OSBP2: variants seen among roughly 807,000 people sequenced by gnomAD.
The protein encoded by OSBP2 is oxysterol binding protein 2.
A neutral mutation model predicts 96.0 loss-of-function variants in OSBP2; 66 were observed. The observed-to-expected ratio is 0.69, with a 90% confidence interval of 0.56 to 0.84. The LOEUF (loss-of-function observed/expected upper bound fraction) is 0.84. Ranked by LOEUF, OSBP2 falls within the 40% of genes least tolerant of loss-of-function variation. OSBP2 has a pLI of 0.00. For missense variants in OSBP2, 1,038 were observed against 1,222.7 expected (o/e 0.85, Z 2.25); for synonymous variants, 525 against 520.9 (o/e 1.01, Z -0.11).
chr22:30,833,231 G>A (rs916950532), intron 2 of OSBP2, among the ~76,000 whole-genome samples: 65 of 152,252 alleles, frequency 4.3e-4, no homozygotes, highest in East Asian at 1.9e-3. Flanking sequence ...GGAGCCAGCC[G>A]TCCGCTGTTA....
At chr22:30,774,634 C>T (rs2090404963) in intron 2 of OSBP2, among the ~76,000 whole-genome samples, 1 of 152,186 alleles carries the variant, frequency 6.6e-6, no homozygotes. Context: ...GCAGTAATGA[C>T]AGTTAAATCT....
Position 30,811,174 on chromosome 22 carries a change from C to CA in OSBP2, c.854-59254dup, listed in dbSNP as rs398036855. On this transcript the variant is annotated intron_variant, in intron 2 of 13. Coordinates refer to ENST00000332585, the MANE Select transcript of OSBP2 (RefSeq NM_030758.4). ...ATATAAGTATACACAACCCCCCCCCCACACATACATATATAAAAATGAGAT... is the reference window on the plus strand; with the variant it reads ...ATATAAGTATACACAACCCCCCCCCCAACACATACATATATAAAAATGAGAT... 8.7e-5 allele frequency among the ~76,000 whole-genome samples: 12 copies of CA among 137,878 alleles called. No individual in the cohort carries two copies. In the East Asian group the frequency reaches 2.0e-3, roughly 23 times the overall value. 90.5% of individuals were successfully genotyped at this position (137,878 alleles called of 152,430 possible). A position where few individuals can be genotyped will look rare whatever the true frequency, so the allele number is the denominator to read the frequency against.
intron 2 of OSBP2, among the ~76,000 whole-genome samples, chr22:30,787,427 C>CT (rs1035204310): frequency 6.6e-6 from 1 of 151,948 alleles, no homozygotes; most frequent in Non-Finnish European, 1.5e-5. Context: ...AATCTCAGCA[C>CT]TTTGGGAGGC....
At chr22:30,884,270 G>C (rs1266612991) in intron 3 of OSBP2, among the ~76,000 whole-genome samples, 1 of 152,172 alleles carries the variant, frequency 6.6e-6, no homozygotes, top group East Asian at 1.9e-4. Context: ...ACCTTCATCT[G>C]TCCAATGGGG....
chr22:30,886,471 T>TTCATCTTC (rs1240176352), intron 3 of OSBP2, among the ~76,000 whole-genome samples: 2 of 150,752 alleles, frequency 1.3e-5, no homozygotes, highest in Non-Finnish European at 3.0e-5. Context: ...AAAAAGGTGC[T>TTCATCTTC]AAGACTCTTA....
intron 2 of OSBP2, among the ~76,000 whole-genome samples, chr22:30,827,154 G>A (rs1204658092): frequency 1.3e-5 from 2 of 152,182 alleles, no homozygotes; most frequent in Admixed American, 6.5e-5. Context: ...TGATGGGTGA[G>A]ATATAGAAAG....
chr22:30,738,077 C>CTT (rs572534320), intron 1 of OSBP2, among the ~76,000 whole-genome samples: 1 of 144,290 alleles, frequency 6.9e-6, no homozygotes. Flanking sequence ...TTTTCTTTTC[C>CTT]TTTTTTTTTT....
At chr22:30,856,642 C>T (rs537697204) in intron 2 of OSBP2, among the ~76,000 whole-genome samples, 12 of 152,110 alleles carry the variant, frequency 7.9e-5, no homozygotes, top group Admixed American at 7.9e-4. Context: ...CTGCCGTGGC[C>T]TCCCAAAGTG....
At chr22:30,875,940 C>T (rs1353171667) in intron 3 of OSBP2, among the ~76,000 whole-genome samples, 1 of 152,228 alleles carries the variant, frequency 6.6e-6, no homozygotes, top group Non-Finnish European at 1.5e-5. Flanking sequence ...GGCTGCCAGG[C>T]ATGTGCTCAT....
At chr22:30,766,134 C>T (rs2090266638) in intron 2 of OSBP2, among the ~76,000 whole-genome samples, 1 of 152,162 alleles carries the variant, frequency 6.6e-6, no homozygotes, top group South Asian at 2.1e-4. Context: ...ACTCAAGAGA[C>T]TGAGGTGGGG....
chr22:30,730,785 TA>T (rs2089756066), intron 1 of OSBP2, among the ~76,000 whole-genome samples: 2 of 44,844 alleles, frequency 4.5e-5, no homozygotes, highest in African/African-American at 1.2e-4. Context: ...TATATATATA[TA>T]TATATATATA....
At chr22:30,760,839 A>C (rs1459437793) in intron 2 of OSBP2, among the ~76,000 whole-genome samples, 1 of 152,112 alleles carries the variant, frequency 6.6e-6, no homozygotes, top group African/African-American at 2.4e-5. Flanking sequence ...AAAAAAAGAA[A>C]ATCAATATAA....
chr22:30,874,339 G>T (rs1472051088), intron 3 of OSBP2, among the ~76,000 whole-genome samples: 1 of 152,078 alleles, frequency 6.6e-6, no homozygotes, highest in African/African-American at 2.4e-5. Context: ...TTGAACCCAG[G>T]AGATGGAGGT....
intron 1 of OSBP2, among the ~76,000 whole-genome samples, chr22:30,733,340 C>G (rs546364115): frequency 4.6e-5 from 7 of 152,228 alleles, no homozygotes; most frequent in African/African-American, 1.7e-4. Context: ...CACTCATGTT[C>G]TCTGGGCTCA....
At chr22:30,701,776 C>T (rs867593824) in intron 1 of OSBP2, among the ~76,000 whole-genome samples, 2 of 152,062 alleles carry the variant, frequency 1.3e-5, no homozygotes, top group South Asian at 2.1e-4. Context: ...TGGATACCCC[C>T]GAAGGTAGCT....
intron 2 of OSBP2, among the ~76,000 whole-genome samples, chr22:30,860,881 C>A (rs1340334762): frequency 6.6e-6 from 1 of 152,190 alleles, no homozygotes; most frequent in East Asian, 1.9e-4. Flanking sequence ...CATTTCTGTG[C>A]CTGTGTGACT....
At position 30,889,241 on chromosome 22, in the gene OSBP2, G is replaced by A; in HGVS notation, c.1476+7G>A. The stretch of plus-strand genomic sequence containing the variant: ...CTGGAGCTCAGCAGACAATGTAAGT[G>A]AGGGGGAGCACTGTAAGGGCCAGAA... On this transcript the variant is annotated splice_region_variant and intron_variant, in intron 6 of 13. Transcript: ENST00000332585. 6.2e-7 allele frequency: 1 copy of A among 1,612,534 alleles called. No homozygotes were observed. Among genetic ancestry groups the A allele is most frequent in the Non-Finnish European group, 8.5e-7 (1 of 1,179,538 alleles).
intron 12 of OSBP2, 28 bp from the exon 13 acceptor site, chr22:30,905,809 A>G: frequency 1.2e-6 from 2 of 1,609,116 alleles, no homozygotes; most frequent in East Asian, 2.2e-5. Flanking sequence ...CACCGCAGCC[A>G]CCGCCACCGC....
At chr22:30,782,190 G>A (rs182623285) in intron 2 of OSBP2, among the ~76,000 whole-genome samples, 5 of 152,270 alleles carry the variant, frequency 3.3e-5, no homozygotes, top group Admixed American at 1.3e-4. Flanking sequence ...TGCCTATAGT[G>A]TACAGTCAGA....
Sources: allele counts gnomAD v4.1 joint callset (sites outside exome capture counted in the v4.1 genomes callset), GRCh38; gene constraint gnomAD v4.1.1; transcripts MANE v1.5; gene names NCBI Gene and HGNC (gene_info 2026-07-23, HGNC 2026-07-21).